Variants in CERS6 observed in about 807,000 individuals in gnomAD.
CERS6 encodes the protein ceramide synthase 6, also known as LAG1 homolog, ceramide synthase 6.
A neutral mutation model predicts 56.8 loss-of-function variants in CERS6; 26 were observed. That is an observed-to-expected ratio of 0.46 (90% CI 0.34 to 0.63). CERS6 has a LOEUF of 0.63. Among genes scored for constraint, CERS6 ranks in the 30% least tolerant of loss-of-function variants. The pLI is 0.01. For missense variants in CERS6, 415 were observed against 467.5 expected, an observed-to-expected ratio of 0.89 and a Z score of 1.04; for synonymous variants, 164 against 173.3, an observed-to-expected ratio of 0.95 and a Z score of 0.42.
chr2:168,511,695 CAATT>C (rs1031028247), intron 1 of CERS6, among the ~76,000 whole-genome samples: 13 of 152,244 alleles, frequency 8.5e-5, no homozygotes, highest in South Asian at 2.1e-4. Context: ...TGGAACTTCT[CAATT>C]AATCCTGTTT....
chr2:168,477,635 C>G (rs1694103797), intron 1 of CERS6, among the ~76,000 whole-genome samples: 1 of 152,164 alleles, frequency 6.6e-6, no homozygotes, highest in Non-Finnish European at 1.5e-5. Context: ...GTCTTTCTTT[C>G]TTTCCATGTG....
chr2:168,639,944 A>AT (rs1559031766), intron 4 of CERS6, among the ~76,000 whole-genome samples: 1 of 152,164 alleles, frequency 6.6e-6, no homozygotes, highest in Non-Finnish European at 1.5e-5. Context: ...ATTGCTTAGG[A>AT]TTTATTAGTC....
Position 168,772,149 on chromosome 2 carries a change from G to C in CERS6, c.*2487G>C, listed in dbSNP as rs1445984500. On this transcript the variant is annotated 3_prime_UTR_variant, in exon 10 of 10. Coordinates refer to ENST00000305747, the MANE Select transcript of CERS6 (RefSeq NM_203463.3). ...TCCCCCTGTACCAGGCCATAGCTTT[G>C]AAGTGTATTTTGTAAATTCAACTAT... 1 of 152,134 alleles carries C rather than the reference G, an allele frequency of 6.6e-6. No homozygotes were observed. The highest frequency in any genetic ancestry group is 6.5e-5 in the Admixed American group (1 of 15,276). The allele number at this position is 152,134 out of a possible 1,614,324, so 9.4% of individuals were successfully genotyped here.
At chr2:168,725,349 G>A (rs1424763959) in intron 8 of CERS6, among the ~76,000 whole-genome samples, 2 of 152,270 alleles carry the variant, frequency 1.3e-5, no homozygotes, top group African/African-American at 4.8e-5. Flanking sequence ...GGCTCCCACA[G>A]TGCAGTGGTG....
chr2:168,481,192 G>T lies in CERS6; in HGVS notation c.170+24574G>T, dbSNP rs559136166. On this transcript the variant is annotated intron_variant, in intron 1 of 9. Transcript: ENST00000305747. ...ACACTTTGGGAGGCTGAGGTGGGCG[G>T]ATCATGAAGTCAGGAGATCGAGACC... is the stretch of plus-strand genomic sequence containing the variant. Among the ~76,000 whole-genome samples the T allele has an allele frequency of 2.2e-4, 34 of 152,280 alleles. No homozygotes were observed. The South Asian group carries it at 6.8e-3, about 31-fold the overall frequency.
At chr2:168,484,304 C>T (rs1199359606) in intron 1 of CERS6, among the ~76,000 whole-genome samples, 1 of 150,978 alleles carries the variant, frequency 6.6e-6, no homozygotes, top group African/African-American at 2.4e-5. Context: ...GCCTCAGCCT[C>T]CCGAGTAGCT....
At chr2:168,552,111 T>C (rs2105375249) in intron 2 of CERS6, among the ~76,000 whole-genome samples, 1 of 152,320 alleles carries the variant, frequency 6.6e-6, no homozygotes, top group Admixed American at 6.5e-5. Context: ...TCCTACAATT[T>C]GTTTTTCCTA....
At chr2:168,767,224 C>A (rs919874275) in intron 9 of CERS6, among the ~76,000 whole-genome samples, 2 of 152,172 alleles carry the variant, frequency 1.3e-5, no homozygotes, top group African/African-American at 4.8e-5. Flanking sequence ...AATATCTTAG[C>A]TGCCCTTGCG....
intron 3 of CERS6, among the ~76,000 whole-genome samples, chr2:168,629,210 G>A (rs2105293411): frequency 6.6e-6 from 1 of 152,266 alleles, no homozygotes; most frequent in Middle Eastern, 3.4e-3. Context: ...AATGATGGTA[G>A]GAATTCCAAT....
At chr2:168,707,824 A>G (rs927017850) in intron 6 of CERS6, among the ~76,000 whole-genome samples, 2 of 152,148 alleles carry the variant, frequency 1.3e-5, no homozygotes, top group African/African-American at 2.4e-5. Context: ...ACAATTTTTT[A>G]GTCCTTTATT....
intron 1 of CERS6, among the ~76,000 whole-genome samples, chr2:168,495,834 C>T (rs887671154): frequency 1.3e-5 from 2 of 152,126 alleles, no homozygotes; most frequent in Non-Finnish European, 2.9e-5. Context: ...CCTTGTGCAC[C>T]TATCTGGTAC....
In CERS6 at chr2:168,715,074, C is replaced by G; in HGVS notation, c.683C>G (p.Ala228Gly). ...LITFSYVNNM[A>G]RVGTLVLCLH... The stretch of plus-strand genomic sequence containing the variant: ...ACCTTTTCATATGTCAACAATATGG[C>G]CCGAGTAGGAACGCTGGTCCTTTGT... The change falls in exon 7 of 10, where the codon GCC (alanine) becomes GGC (glycine). Residue 228 changes from alanine (A) to glycine (G), a missense_variant. Ala to Gly is a moderately conservative substitution (Grantham distance 60). Coordinates refer to ENST00000305747, the MANE Select transcript of CERS6 (RefSeq NM_203463.3). 6.2e-7 allele frequency: 1 copy of G among 1,612,508 alleles called. No individual in the cohort carries two copies. Among genetic ancestry groups the G allele is most frequent in the East Asian group, 2.2e-5 (1 of 44,802 alleles).
intron 1 of CERS6, among the ~76,000 whole-genome samples, chr2:168,481,842 T>C (rs967457376): frequency 6.6e-6 from 1 of 152,256 alleles, no homozygotes; most frequent in Non-Finnish European, 1.5e-5. Flanking sequence ...TGTGTCTTGA[T>C]GAATTTGAAA....
At chr2:168,642,592 G>T in intron 4 of CERS6, among the ~76,000 whole-genome samples, 1 of 152,146 alleles carries the variant, frequency 6.6e-6, no homozygotes, top group East Asian at 1.9e-4. Flanking sequence ...GGGAGTATCA[G>T]ACTGACTCTT....
chr2:168,619,321 C>T (rs559695373), intron 3 of CERS6, among the ~76,000 whole-genome samples: 6 of 152,186 alleles, frequency 3.9e-5, no homozygotes, highest in African/African-American at 1.2e-4. Context: ...TGACCAAGAA[C>T]CTAAAAGCAA....
chr2:168,666,016 A>G, intron 4 of CERS6, among the ~76,000 whole-genome samples: 1 of 149,892 alleles, frequency 6.7e-6, no homozygotes, highest in South Asian at 2.1e-4. Flanking sequence ...AGAAAAATTG[A>G]ATGGAAAATA....
rs1200588276 is a variant in CERS6, at chr2:168,542,083, C to CT, written c.171-5506dup. On this transcript the variant is annotated intron_variant, in intron 1 of 9. Coordinates refer to ENST00000305747, the MANE Select transcript of CERS6 (RefSeq NM_203463.3). ...TGGACACTTCCCCAAAGTCAGTTTC[C>CT]TTTTTTTCAGTCTCCAGAGCCCTCA... is the stretch of plus-strand genomic sequence containing the variant. Among the ~76,000 whole-genome samples, 9 of 152,202 alleles carry CT rather than the reference C, an allele frequency of 5.9e-5. No homozygotes were observed. The East Asian group carries it at 1.4e-3, about 23-fold the overall frequency.
chr2:168,690,782 AAC>A (rs956976649), intron 4 of CERS6, among the ~76,000 whole-genome samples: 10 of 152,258 alleles, frequency 6.6e-5, no homozygotes, highest in Admixed American at 6.5e-4. Context: ...AAATAGAAAA[AAC>A]ACCAGCTGGA....
chr2:168,752,429 G>C (rs1684301542), intron 8 of CERS6, among the ~76,000 whole-genome samples: 1 of 152,110 alleles, frequency 6.6e-6, no homozygotes, highest in Non-Finnish European at 1.5e-5. Flanking sequence ...AAATTAAAGA[G>C]AGCAACATGG....
Sources: gnomAD v4.1 joint callset for allele counts (sites outside exome capture counted in the v4.1 genomes callset) on GRCh38, gnomAD v4.1.1 for gene constraint, MANE v1.5 for transcripts, NCBI Gene and HGNC (gene_info 2026-07-23, HGNC 2026-07-21) for gene names.